RIF1: variants seen among roughly 807,000 people sequenced by gnomAD.
RIF1 encodes the protein replication timing regulatory factor 1.
RIF1 carries 45 observed loss-of-function variants against 247.1 expected under a neutral mutation model. The observed-to-expected ratio is 0.18, with a 90% CI of 0.14 to 0.23. The LOEUF is 0.23. Ranked by LOEUF, RIF1 falls within the 10% of genes least tolerant of loss-of-function variation. The probability of loss-of-function intolerance (pLI) is 1.00; values close to 1 mark genes in which losing one functional copy is unlikely to be tolerated. For missense variants in RIF1, 2,967 were observed against 2,862.5 expected (o/e 1.04, Z -0.83); for synonymous variants, 1,087 against 978.8 (o/e 1.11, Z -2.06).
Position 151,435,510 on chromosome 2 carries a change from C to G in RIF1, c.1125C>G (p.Ala375=), listed in dbSNP as rs773199294. Residue 375 remains alanine, a synonymous_variant, in exon 11 of 36, where the codon GCC becomes GCG. Transcript: ENST00000444746. ...IQSTISIDSN[A]SPQGNSCHVA... Reference sequence around the variant, plus strand: ...GTACAATAAGCATTGATTCTAATGCCTCACCTCAGGGCAATTCGTGTCATG... The same window carrying G: ...GTACAATAAGCATTGATTCTAATGCGTCACCTCAGGGCAATTCGTGTCATG... 8 of 1,613,006 alleles carry G rather than the reference C, an allele frequency of 5.0e-6. No individual in the cohort carries two copies. In the Middle Eastern group the frequency reaches 6.6e-4, roughly 133 times the overall value.
chr2:151,434,179 AAAAG>A (rs201368931), intron 10 of RIF1, among the ~76,000 whole-genome samples: 2,224 of 151,754 alleles, frequency 0.015, 65 homozygotes, highest in African/African-American at 0.051. Context: ...AAAAAAAAAA[AAAAG>A]AGAGAAATCA....
At position 151,477,085 on chromosome 2, in the gene RIF1, G is replaced by A; in HGVS notation, c.*2014G>A. ...AAAAACATTATAGTTTAATAAAGCT[G>A]CATTTAAAAATATTTGGGAGCAAAG... On this transcript the variant is annotated 3_prime_UTR_variant, in exon 36 of 36. Coordinates refer to ENST00000444746, the MANE Select transcript of RIF1 (RefSeq NM_018151.5). 1 of 152,094 alleles carries A rather than the reference G, an allele frequency of 6.6e-6. No homozygotes were observed. Among genetic ancestry groups the A allele is most frequent in the East Asian group, 1.9e-4 (1 of 5,198 alleles). The allele number at this position is 152,094 out of a possible 1,614,324, so 9.4% of individuals were successfully genotyped here. A position where few individuals can be genotyped will look rare whatever the true frequency, so the allele number is the denominator to read the frequency against.
intron 9 of RIF1, chr2:151,490,188 A>G: frequency 8.4e-7 from 1 of 1,193,874 alleles, no homozygotes; most frequent in Non-Finnish European, 1.2e-6. Context: ...ATGATTTCCA[A>G]AAAGAGAAAT....
At chr2:151,442,237 G>T (rs55900984) in intron 16 of RIF1, among the ~76,000 whole-genome samples, 20 of 151,286 alleles carry the variant, frequency 1.3e-4, no homozygotes, top group African/African-American at 4.6e-4. Flanking sequence ...CACCACACCC[G>T]GCTAATTTTG....
At position 151,464,440 on chromosome 2, in the gene RIF1, G is replaced by A. The variant is rs751771544; in HGVS notation, c.4920G>A (p.Leu1640=). The change falls in exon 30 of 36, where the codon TTG becomes TTA. Residue 1640 remains leucine (L), a synonymous_variant. Coordinates refer to ENST00000444746, the MANE Select transcript of RIF1 (RefSeq NM_018151.5). ...ATTCTACAGTAACTTCAGATTTGTT[G>A]CAAGTTCCTGATGATTTACCAAATG... ...CQDSTVTSDL[L]QVPDDLPNVC... is the part of the protein sequence containing the mutation. The A allele has an allele frequency of 6.2e-7, 1 of 1,613,450 alleles. No homozygotes were observed. Among genetic ancestry groups the A allele is most frequent in the Non-Finnish European group, 8.5e-7 (1 of 1,179,770 alleles).
chr2:151,509,056 C>T (rs1028901508), downstream of RIF1, among the ~76,000 whole-genome samples: 1 of 152,124 alleles, frequency 6.6e-6, no homozygotes, highest in African/African-American at 2.4e-5. Flanking sequence ...ATGAGACTAG[C>T]CACTGTTATA....
At chr2:151,443,991 G>C (rs1312333279) in intron 18 of RIF1, among the ~76,000 whole-genome samples, 1 of 152,160 alleles carries the variant, frequency 6.6e-6, no homozygotes, top group Non-Finnish European at 1.5e-5. Flanking sequence ...GATTCTTTCA[G>C]TAGTTTTATT....
chr2:151,518,232 CAATGGAGG>C, the RIF1 span: 1 of 960,396 alleles, frequency 1.0e-6, no homozygotes, highest in Non-Finnish European at 1.7e-6. Context: ...TTTTCTCAAA[CAATGGAGG>C]GAATCTATGA....
chr2:151,438,089 G>A lies in RIF1; in HGVS notation c.1484-595G>A, dbSNP rs538865568. Among the ~76,000 whole-genome samples the A allele has an allele frequency of 7.9e-5, 12 of 152,260 alleles. No homozygotes were observed. The East Asian group carries it at 2.3e-3, about 29-fold the overall frequency. On this transcript the variant is annotated intron_variant, in intron 13 of 35. Coordinates refer to ENST00000444746, the MANE Select transcript of RIF1 (RefSeq NM_018151.5). ...ACAATCTCTGCCCCAAAAGTAGTGG[G>A]CATTCAATTCAGAAAAGAAAGATAA...
intron 6 of RIF1, among the ~76,000 whole-genome samples, chr2:151,417,288 T>A (rs1398448709): frequency 2.0e-5 from 3 of 152,224 alleles, no homozygotes; most frequent in Non-Finnish European, 2.9e-5. Flanking sequence ...ATTTTTGTTG[T>A]AACAGGCATG....
At chr2:151,410,188 C>T in intron 1 of RIF1, 155 bp downstream of exon 1, 1 of 640,054 alleles carries the variant, frequency 1.6e-6, no homozygotes, top group Non-Finnish European at 2.8e-6. Flanking sequence ...AAAGTGGTGG[C>T]GGGAGCGGGC....
chr2:151,515,146 G>A, the RIF1 span, among the ~76,000 whole-genome samples: 6 of 152,164 alleles, frequency 3.9e-5, no homozygotes, highest in African/African-American at 4.8e-5. Context: ...ACTTTGATGG[G>A]CCCCTCACTC....
At chr2:151,423,595 G>A (rs1688522709) in intron 8 of RIF1, 1 of 152,618 alleles carries the variant, frequency 6.6e-6, no homozygotes, top group Non-Finnish European at 1.5e-5. Flanking sequence ...CGTTAAGCAG[G>A]TTATATATTG....
downstream of RIF1, among the ~76,000 whole-genome samples, chr2:151,509,900 G>T (rs566476860): frequency 1.3e-5 from 2 of 152,154 alleles, no homozygotes; most frequent in African/African-American, 2.4e-5. Flanking sequence ...GAGCCACTGC[G>T]CCCGACCAAG....
chr2:151,527,256 C>A, the RIF1 span, among the ~76,000 whole-genome samples: 2 of 151,182 alleles, frequency 1.3e-5, no homozygotes, highest in Admixed American at 6.6e-5. Context: ...CAGCCTCAGT[C>A]AGAACTCAGT....
intron 9 of RIF1, among the ~76,000 whole-genome samples, chr2:151,430,899 C>T (rs1374800051): frequency 6.6e-6 from 1 of 152,176 alleles, no homozygotes; most frequent in Non-Finnish European, 1.5e-5. Flanking sequence ...AGTGATCCAC[C>T]TGCCTCAGCC....
intron 20 of RIF1, among the ~76,000 whole-genome samples, chr2:151,450,327 A>C (rs1417578072): frequency 6.6e-6 from 1 of 152,186 alleles, no homozygotes; most frequent in East Asian, 1.9e-4. Context: ...TAACTGTGAT[A>C]ATGTAGTTTT....
chr2:151,462,231 G>T lies in RIF1; in HGVS notation c.3228-11G>T. 1 of 1,531,708 alleles carries T rather than the reference G, an allele frequency of 6.5e-7. No homozygotes were observed. Among genetic ancestry groups the T allele is most frequent in the Non-Finnish European group, 8.9e-7 (1 of 1,124,270 alleles). The allele number at this position is 1,531,708 out of a possible 1,614,324, so 94.9% of individuals were successfully genotyped here. ...CGGTTTTTGAAGTTACTTATATATA[G>T]TTTTTTTCAGGTGTGATATTCCTGC... On this transcript the variant is annotated splice_polypyrimidine_tract_variant and intron_variant, in intron 27 of 35. Transcript: ENST00000444746.
chr2:151,465,566 A>G lies in RIF1; in HGVS notation c.6046A>G (p.Thr2016Ala), dbSNP rs1696767895. The G allele has an allele frequency of 6.2e-7, 1 of 1,613,778 alleles. No individual in the cohort carries two copies. The highest frequency in any genetic ancestry group is 8.5e-7 in the Non-Finnish European group (1 of 1,179,890). ...TCTACACTCATCTGAAGAAACGAAT[A>G]CCAAAATGAAAAATAATGAAGAAAT... ...SDLHSSEETNTKMKNNEEMMI... is the reference protein window; with the variant it reads ...SDLHSSEETNAKMKNNEEMMI... Residue 2016 changes from threonine (T) to alanine (A), a missense_variant, in exon 30 of 36, where the codon ACC (threonine) becomes GCC (alanine). Around this residue, in one of 7 missense-constraint regions of RIF1, gnomAD observed 2,028 missense variants for 1,825.6 expected, o/e 1.11. Coordinates refer to ENST00000444746, the MANE Select transcript of RIF1 (RefSeq NM_018151.5).
Sources: allele counts gnomAD v4.1 joint callset (sites outside exome capture counted in the v4.1 genomes callset), GRCh38; gene constraint gnomAD v4.1.1; regional missense constraint gnomAD v4.1.1; transcripts MANE v1.5; gene names NCBI Gene and HGNC (gene_info 2026-07-23, HGNC 2026-07-21).